Variants in MYLK4 observed in about 807,000 individuals in gnomAD.
MYLK4 encodes myosin light chain kinase family member 4, also known as caMLCK like.
Under a neutral mutation model 48.1 loss-of-function variants are expected in MYLK4, and 46 were observed. The ratio of observed to expected loss-of-function variants is 0.96; its 90% confidence interval spans 0.75 to 1.22. The LOEUF (loss-of-function observed/expected upper bound fraction) is 1.22. MYLK4 is among the 50% of genes most tolerant of loss of function. The probability of loss-of-function intolerance (pLI) is 0.00; values close to 1 mark genes in which losing one functional copy is unlikely to be tolerated. For synonymous variants in MYLK4, 170 were observed against 180.8 expected (o/e 0.94, Z 0.48); for missense variants, 451 against 486.1 (o/e 0.93, Z 0.68).
In MYLK4 at chr6:2,740,522, C is replaced by T. The variant is rs141397508; in HGVS notation, c.159+8614G>A. Among the ~76,000 whole-genome samples, 230 of 152,342 alleles carry T rather than the reference C, an allele frequency of 1.5e-3. 1 individual carries two copies. The highest frequency in any genetic ancestry group is 2.9e-3 in the South Asian group (14 of 4,830). On this transcript the variant is annotated intron_variant, in intron 2 of 12. Coordinates refer to ENST00000274643, the MANE Select transcript of MYLK4 (RefSeq NM_001012418.5). ...CTGCTTCAGTCCTATGGGCAGGTGGCTCTGAGGTCATCCTGTCTGAAGTAG... is the reference window on the plus strand; with the variant it reads ...CTGCTTCAGTCCTATGGGCAGGTGGTTCTGAGGTCATCCTGTCTGAAGTAG...
At chr6:2,769,040 C>T in the MYLK4 span, among the ~76,000 whole-genome samples, 1 of 152,150 alleles carries the variant, frequency 6.6e-6, no homozygotes, top group Non-Finnish European at 1.5e-5. Flanking sequence ...CCATACATTT[C>T]TTAGTGTTTT....
chr6:2,765,700 G>A, the MYLK4 span: 8 of 1,548,320 alleles, frequency 5.2e-6, no homozygotes, highest in African/African-American at 2.8e-5. Flanking sequence ...GCCAGCAGAT[G>A]ATGCCCGCCG....
intron 2 of MYLK4, among the ~76,000 whole-genome samples, chr6:2,712,940 GACATGTGCCCTTGAGGAAGGCATTTA>G (rs1762725896): frequency 6.6e-6 from 1 of 152,230 alleles, no homozygotes; most frequent in South Asian, 2.1e-4. Flanking sequence ...CTGCTAACCA[GACATGTGCCCTTGAGGAAGGCATTTA>G]ACATCTCAAA....
In MYLK4 at chr6:2,685,614, T is replaced by A; in HGVS notation, c.342-38A>T. The A allele has an allele frequency of 6.3e-7, 1 of 1,598,298 alleles. No individual in the cohort carries two copies. Among genetic ancestry groups the A allele is most frequent in the Non-Finnish European group, 8.6e-7 (1 of 1,166,536 alleles). On this transcript the variant is annotated intron_variant, in intron 4 of 12. Transcript: ENST00000274643. This position sits in a 1 kb window ranked among gnomAD's most constrained non-coding sequence, Gnocchi z 4.5. ...GGAAGCGGCGTAGCATGAGGCCCTG[T>A]GGTCAGCTGCCGAGTGGACAGCGCA...
chr6:2,731,771 A>G (rs1258222453), intron 2 of MYLK4, among the ~76,000 whole-genome samples: 1 of 152,198 alleles, frequency 6.6e-6, no homozygotes, highest in Non-Finnish European at 1.5e-5. Flanking sequence ...AAAATGAATC[A>G]ATGCTATTTT....
chr6:2,666,818 C>T lies in MYLK4; in HGVS notation c.*1107G>A, dbSNP rs573762704. ...ACACAGGCTAGGCATAGGAACCTTC[C>T]AACTGGAACGTTCCAACATTCTCAC... On this transcript the variant is annotated 3_prime_UTR_variant, in exon 13 of 13. Coordinates refer to ENST00000274643, the MANE Select transcript of MYLK4 (RefSeq NM_001012418.5). The T allele has an allele frequency of 1.3e-5, 2 of 152,370 alleles. No homozygotes were observed. The highest frequency in any genetic ancestry group is 4.8e-5 in the African/African-American group (2 of 41,588). The allele number at this position is 152,370 out of a possible 1,614,324, so 9.4% of individuals were successfully genotyped here. A position where few individuals can be genotyped will look rare whatever the true frequency, so the allele number is the denominator to read the frequency against.
the MYLK4 span, among the ~76,000 whole-genome samples, chr6:2,763,682 C>T: frequency 9.2e-5 from 14 of 152,364 alleles, no homozygotes; most frequent in African/African-American, 3.4e-4. Context: ...AGGGAGCCAG[C>T]TCCGGCCTTG....
intron 2 of MYLK4, among the ~76,000 whole-genome samples, chr6:2,705,875 A>G (rs911843949): frequency 1.3e-5 from 2 of 151,704 alleles, no homozygotes; most frequent in Non-Finnish European, 2.9e-5. Context: ...TAAGACAAAG[A>G]AAGGGAAAAT....
rs1465506007 is a variant in MYLK4, at chr6:2,663,742, A to T, written c.*4183T>A. The T allele has an allele frequency of 6.6e-6, 1 of 152,592 alleles. No individual in the cohort carries two copies. The highest frequency in any genetic ancestry group is 2.4e-5 in the African/African-American group (1 of 41,376). 9.5% of individuals were successfully genotyped at this position (152,592 alleles called of 1,614,324 possible). The stretch of plus-strand genomic sequence containing the variant: ...TAAATGAAAGTACGTTCAGAAATTT[A>T]AAATATACATGATAGACACAATCAC... On this transcript the variant is annotated 3_prime_UTR_variant, in exon 13 of 13. Coordinates refer to ENST00000274643, the MANE Select transcript of MYLK4 (RefSeq NM_001012418.5).
intron 2 of MYLK4, chr6:2,743,924 C>T (rs1346241398): frequency 2.5e-6 from 1 of 398,526 alleles, no homozygotes; most frequent in Non-Finnish European, 4.4e-6. Flanking sequence ...AGGAGTCTGC[C>T]AGTGGCCTCC....
chr6:2,742,446 T>C (rs1173406683), intron 2 of MYLK4, among the ~76,000 whole-genome samples: 1 of 151,682 alleles, frequency 6.6e-6, no homozygotes, highest in East Asian at 1.9e-4. Context: ...CTATTCACAA[T>C]AGCAAAGACT....
At chr6:2,768,779 A>G in the MYLK4 span, 7 of 1,614,050 alleles carry the variant, frequency 4.3e-6, no homozygotes, top group East Asian at 2.2e-5. Flanking sequence ...AAGACAAATG[A>G]TGTGCGAGAT....
chr6:2,694,194 G>C (rs530074049), intron 2 of MYLK4, among the ~76,000 whole-genome samples: 2 of 152,120 alleles, frequency 1.3e-5, no homozygotes, highest in Non-Finnish European at 2.9e-5. Context: ...GAGAGCTTCA[G>C]AGTTTCTCTT....
the MYLK4 span, chr6:2,768,606 G>A: frequency 6.7e-6 from 8 of 1,200,058 alleles, no homozygotes; most frequent in Non-Finnish European, 9.1e-6. Flanking sequence ...GGTAAATAGT[G>A]ATGCTGCGTG....
At position 2,665,237 on chromosome 6, in the gene MYLK4, C is replaced by T. The variant is rs112134280; in HGVS notation, c.*2688G>A. 0.03 allele frequency: 4,512 copies of T among 152,516 alleles called. 229 individuals are homozygous for T. Among genetic ancestry groups the T allele is most frequent in the African/African-American group, 0.1 (4,268 of 41,562 alleles). The allele number at this position is 152,516 out of a possible 1,614,324, so 9.4% of individuals were successfully genotyped here. On this transcript the variant is annotated 3_prime_UTR_variant, in exon 13 of 13. Transcript: ENST00000274643. ...TCGGCTTTGCAAAGCCCCCTTTCCC[C>T]ATTAGAGCAGCAGTCTACCTAGTTA... is the stretch of plus-strand genomic sequence containing the variant.
intron 2 of MYLK4, among the ~76,000 whole-genome samples, chr6:2,694,571 A>AATGATG (rs1761977657): frequency 2.5e-5 from 1 of 39,234 alleles, no homozygotes; most frequent in African/African-American, 1.0e-4. Flanking sequence ...TGGTAGTGGT[A>AATGATG]GTGCTGCTGG....
chr6:2,686,950 G>A (rs1202981803), intron 4 of MYLK4, among the ~76,000 whole-genome samples: 2 of 152,094 alleles, frequency 1.3e-5, no homozygotes, highest in South Asian at 2.1e-4. Context: ...CTGACTTCCC[G>A]GCTCCCTCAA....
intron 2 of MYLK4, among the ~76,000 whole-genome samples, chr6:2,714,410 C>G (rs1054261079): frequency 1.3e-5 from 2 of 152,196 alleles, no homozygotes; most frequent in Non-Finnish European, 2.9e-5. Flanking sequence ...AATACAGTTG[C>G]CAATACCCCA....
intron 2 of MYLK4, among the ~76,000 whole-genome samples, chr6:2,735,891 C>T (rs1401048842): frequency 1.3e-5 from 2 of 152,172 alleles, no homozygotes; most frequent in Non-Finnish European, 2.9e-5. Flanking sequence ...AGACAAATTG[C>T]TAATTTAATC....
Sources: gnomAD v4.1 joint callset for allele counts (sites outside exome capture counted in the v4.1 genomes callset) on GRCh38, gnomAD v4.1.1 for gene constraint, Gnocchi (gnomAD v3.1) non-coding constraint, MANE v1.5 for transcripts, NCBI Gene and HGNC (gene_info 2026-07-23, HGNC 2026-07-21) for gene names.